The following BTBD9 variants were observed in gnomAD, a reference collection of about 807,000 sequenced individuals.
BTBD9 encodes BTB/POZ domain-containing protein 9.
Under a neutral mutation model 64.3 loss-of-function variants are expected in BTBD9, and 49 were observed. That is an observed-to-expected ratio of 0.76 (90% CI 0.61 to 0.97). BTBD9 has a LOEUF of 0.97. Among genes scored for constraint, BTBD9 ranks in the 50% least tolerant of loss-of-function variants. The probability of loss-of-function intolerance (pLI) is 0.00; values close to 1 mark genes in which losing one functional copy is unlikely to be tolerated. For synonymous variants in BTBD9, 260 were observed against 274.7 expected (o/e 0.95, Z 0.53); for missense variants, 598 against 762.1 (o/e 0.78, Z 2.53).
intron 7 of BTBD9, among the ~76,000 whole-genome samples, chr6:38,333,553 ACAGTTCT>A (rs1763760267): frequency 6.6e-6 from 1 of 152,092 alleles, no homozygotes; most frequent in African/African-American, 2.4e-5. Flanking sequence ...TTTTCATGAT[ACAGTTCT>A]CACAAGATCT....
At chr6:38,557,369 T>G (rs1775076059) in intron 6 of BTBD9, among the ~76,000 whole-genome samples, 3 of 151,888 alleles carry the variant, frequency 2.0e-5, no homozygotes, top group Admixed American at 1.3e-4. Context: ...AAATAAATAA[T>G]AAAAAGACCT....
intron 10 of BTBD9, among the ~76,000 whole-genome samples, chr6:38,182,078 G>A (rs1452370821): frequency 6.6e-6 from 1 of 152,180 alleles, no homozygotes; most frequent in African/African-American, 2.4e-5. Flanking sequence ...CAAATTTTCA[G>A]TATTGCTTAG....
At chr6:38,281,620 T>C (rs1300229101) in intron 8 of BTBD9, among the ~76,000 whole-genome samples, 1 of 152,222 alleles carries the variant, frequency 6.6e-6, no homozygotes, top group Non-Finnish European at 1.5e-5. Flanking sequence ...AGATTATGAA[T>C]ACCCATCAAG....
At chr6:38,597,723 G>A (rs1391148589) in intron 2 of BTBD9, among the ~76,000 whole-genome samples, 187 bp downstream of exon 2, 3 of 152,116 alleles carry the variant, frequency 2.0e-5, no homozygotes, top group African/African-American at 4.8e-5. Flanking sequence ...ATTTTAAGGT[G>A]GCTCCTAAAG....
chr6:38,185,579 G>A (rs1007000321), intron 10 of BTBD9, among the ~76,000 whole-genome samples: 9 of 152,084 alleles, frequency 5.9e-5, no homozygotes, highest in African/African-American at 1.9e-4. Flanking sequence ...TCTCAGCCTC[G>A]GTTGCCTCTA....
intron 6 of BTBD9, among the ~76,000 whole-genome samples, chr6:38,532,636 T>C (rs1403252189): frequency 1.3e-5 from 2 of 152,028 alleles, no homozygotes; most frequent in Admixed American, 6.5e-5. Context: ...TCAGGCCCCT[T>C]TTCCAGGACT....
At chr6:38,520,315 G>A (rs1721667184) in intron 6 of BTBD9, among the ~76,000 whole-genome samples, 1 of 152,012 alleles carries the variant, frequency 6.6e-6, no homozygotes, top group Non-Finnish European at 1.5e-5. Flanking sequence ...AATAAAATTA[G>A]CTGGGTGTGG....
At chr6:38,262,866 A>G (rs1764841978) in intron 8 of BTBD9, among the ~76,000 whole-genome samples, 1 of 152,226 alleles carries the variant, frequency 6.6e-6, no homozygotes, top group Admixed American at 6.5e-5. Flanking sequence ...ATTGTGAACA[A>G]TGGCTGAAGT....
At chr6:38,327,274 A>T (rs1163451208) in intron 7 of BTBD9, among the ~76,000 whole-genome samples, 1 of 152,186 alleles carries the variant, frequency 6.6e-6, no homozygotes, top group Non-Finnish European at 1.5e-5. Flanking sequence ...GCTGTGGCCC[A>T]GACTGGCTCA....
At position 38,169,906 on chromosome 6, in the gene BTBD9, A is replaced by T. The variant is rs976495170; in HGVS notation, c.*5079T>A. ...GGGACTATTTCAGTTCTTTAAAAAA[A>T]AGAAGACACGAAGCTGATGGGGCAG... On this transcript the variant is annotated 3_prime_UTR_variant, in exon 11 of 11. Coordinates refer to ENST00000481247, the MANE Select transcript of BTBD9 (RefSeq NM_001099272.2). 14 of 151,390 alleles carry T rather than the reference A, an allele frequency of 9.2e-5. No individual in the cohort carries two copies. Among genetic ancestry groups the T allele is most frequent in the African/African-American group, 2.9e-4 (12 of 41,188 alleles). 9.4% of individuals were successfully genotyped at this position (151,390 alleles called of 1,614,324 possible). A position where few individuals can be genotyped will look rare whatever the true frequency, so the allele number is the denominator to read the frequency against.
chr6:38,440,857 G>T (rs887049782), intron 6 of BTBD9, among the ~76,000 whole-genome samples: 12 of 152,148 alleles, frequency 7.9e-5, no homozygotes, highest in Non-Finnish European at 1.6e-4. Context: ...ACCGGTCAGG[G>T]AGCCAGGAGA....
chr6:38,534,577 G>T (rs899406663), intron 6 of BTBD9, among the ~76,000 whole-genome samples: 1 of 149,262 alleles, frequency 6.7e-6, no homozygotes, highest in Non-Finnish European at 1.5e-5. Flanking sequence ...ATCAAAAAAA[G>T]AAAACTACAG....
chr6:38,420,926 A>T (rs1012207578), intron 6 of BTBD9, among the ~76,000 whole-genome samples: 33 of 152,228 alleles, frequency 2.2e-4, no homozygotes, highest in Non-Finnish European at 3.5e-4. Flanking sequence ...ACAAACTTTT[A>T]AAAAAACTAT....
chr6:38,464,061 C>T (rs1411830599), intron 6 of BTBD9, among the ~76,000 whole-genome samples: 4 of 151,768 alleles, frequency 2.6e-5, no homozygotes, highest in Non-Finnish European at 2.9e-5. Context: ...AAAATGAGTT[C>T]GTTAGGGTAG....
chr6:38,334,504 C>CGGAGGTTGTAGTG (rs1763805279), intron 7 of BTBD9, among the ~76,000 whole-genome samples: 2 of 151,756 alleles, frequency 1.3e-5, no homozygotes, highest in South Asian at 2.1e-4. Flanking sequence ...AGGTTGTAGT[C>CGGAGGTTGTAGTG]AGCGGAGGTT....
At chr6:38,277,640 A>G (rs1057477380) in intron 8 of BTBD9, among the ~76,000 whole-genome samples, 2 of 152,194 alleles carry the variant, frequency 1.3e-5, no homozygotes, top group Non-Finnish European at 2.9e-5. Context: ...AGCCAGCTAC[A>G]GAACATTTTT....
intron 2 of BTBD9, chr6:38,595,769 C>T (rs926690534): frequency 8.6e-5 from 85 of 985,074 alleles, no homozygotes; most frequent in Non-Finnish European, 1.0e-4. Flanking sequence ...TCTGAGCATA[C>T]CTCTTCACTG....
intron 7 of BTBD9, among the ~76,000 whole-genome samples, chr6:38,304,461 G>A (rs778345215): frequency 2.6e-5 from 4 of 151,884 alleles, no homozygotes; most frequent in African/African-American, 4.8e-5. Context: ...CATGAGACTC[G>A]CTTGAATCCG....
chr6:38,547,344 C>T (rs6925140), intron 6 of BTBD9, among the ~76,000 whole-genome samples: 28,298 of 152,000 alleles, frequency 0.19, 2,682 homozygotes, highest in East Asian at 0.27. Context: ...GTGGGAGGAT[C>T]GCTTAAGCCT....
Sources: allele counts gnomAD v4.1 joint callset (sites outside exome capture counted in the v4.1 genomes callset), GRCh38; gene constraint gnomAD v4.1.1; transcripts MANE v1.5; gene names NCBI Gene and HGNC (gene_info 2026-07-23, HGNC 2026-07-21).